FLNB: variants seen among roughly 807,000 people sequenced by gnomAD.
The protein encoded by FLNB is filamin B.
In FLNB, 111 loss-of-function variants were observed where a neutral mutation model predicts 250.6. That is an observed-to-expected ratio of 0.44 (90% CI 0.38 to 0.52). The LOEUF (loss-of-function observed/expected upper bound fraction) is 0.52. FLNB is among the 20% of genes least tolerant of loss of function. The pLI is 0.00. For missense variants in FLNB, 2,869 were observed against 3,447.8 expected (o/e 0.83, Z 4.20); for synonymous variants, 1,302 against 1,372.1 (o/e 0.95, Z 1.13).
intron 4 of FLNB, among the ~76,000 whole-genome samples, chr3:58,084,803 C>A (rs13073525): frequency 0.25 from 37,698 of 151,898 alleles, 5,189 homozygotes; most frequent in Middle Eastern, 0.38. Flanking sequence ...TTATTCTACT[C>A]CCTGTCTCTA....
intron 4 of FLNB, among the ~76,000 whole-genome samples, chr3:58,088,849 G>A (rs374544144): frequency 2.0e-5 from 3 of 152,260 alleles, no homozygotes; most frequent in East Asian, 3.9e-4. Flanking sequence ...GCCACTCTCC[G>A]GGGCCATGGA....
rs1445052743 is a variant in FLNB, at chr3:58,142,709, T to G, written c.5241T>G (p.Phe1747Leu). ...SDMNGLGFKP[F>L]DLVIPFAVRK... ...TGAACGGCCTGGGATTTAAGCCTTTTGACCTGGTCATTCCGTTTGCTGTCA... is the reference window on the plus strand; with the variant it reads ...TGAACGGCCTGGGATTTAAGCCTTTGGACCTGGTCATTCCGTTTGCTGTCA... Residue 1747 changes from phenylalanine to leucine, a missense_variant, in exon 31 of 46, where the codon TTT (phenylalanine) becomes TTG (leucine). By Grantham distance (22) the Phe-to-Leu change is conservative (BLOSUM62 0). This residue lies in a region of FLNB where 1,084 missense variants were observed against 1,315.5 expected (regional missense o/e 0.82). Transcript: ENST00000295956. The surrounding 1 kb of genome is among the most constrained non-coding windows in gnomAD (Gnocchi z 4.3). The G allele has an allele frequency of 6.2e-7, 1 of 1,614,270 alleles. No individual in the cohort carries two copies. Among genetic ancestry groups the G allele is most frequent in the Non-Finnish European group, 8.5e-7 (1 of 1,180,042 alleles).
chr3:58,067,257 C>T (rs1372848559), intron 1 of FLNB, among the ~76,000 whole-genome samples: 1 of 140,374 alleles, frequency 7.1e-6, no homozygotes, highest in East Asian at 1.9e-4. Context: ...ACTAGCACCA[C>T]TTGGTGCTCC....
At chr3:58,129,671 A>G (rs1017859285) in intron 24 of FLNB, among the ~76,000 whole-genome samples, 1 of 152,196 alleles carries the variant, frequency 6.6e-6, no homozygotes, top group Non-Finnish European at 1.5e-5. Context: ...GCTGTCTACC[A>G]TCTCTAATTC....
chr3:58,053,494 G>A (rs1360365029), intron 1 of FLNB, among the ~76,000 whole-genome samples: 1 of 152,166 alleles, frequency 6.6e-6, no homozygotes, highest in East Asian at 1.9e-4. Flanking sequence ...ACGGAGTCTC[G>A]CTGTCACCCG....
At chr3:58,104,921 G>A (rs747586961) in intron 10 of FLNB, among the ~76,000 whole-genome samples, 159 bp from the exon 11 acceptor site, 3 of 152,182 alleles carry the variant, frequency 2.0e-5, no homozygotes, top group African/African-American at 7.2e-5. Context: ...AGTAGCTATG[G>A]GTGAGAGGCC....
intron 2 of FLNB, 79 bp downstream of exon 2, chr3:58,077,373 A>G (rs916832397): frequency 6.5e-7 from 1 of 1,537,086 alleles, no homozygotes; most frequent in African/African-American, 1.4e-5. Context: ...TTCAACGGGA[A>G]TGCTATCTTT....
At chr3:58,120,087 T>C (rs567930432) in intron 19 of FLNB, among the ~76,000 whole-genome samples, 1 of 152,332 alleles carries the variant, frequency 6.6e-6, no homozygotes, top group Non-Finnish European at 1.5e-5. Flanking sequence ...CTGTGAGGGT[T>C]TCTCCAGAGT....
chr3:58,117,758 G>GA (rs1034605327), intron 18 of FLNB, among the ~76,000 whole-genome samples: 2 of 151,700 alleles, frequency 1.3e-5, no homozygotes, highest in African/African-American at 2.4e-5. Context: ...AAAAATGCTG[G>GA]AAAATTAATC....
At position 58,138,323 on chromosome 3, in the gene FLNB, G is replaced by A. The variant is rs139046903; in HGVS notation, c.4903G>A (p.Gly1635Ser). 1.5e-4 allele frequency: 249 copies of A among 1,614,242 alleles called. 3 individuals carry two copies. The Middle Eastern group carries it at 1.7e-3, about 11-fold the overall frequency. The change falls in exon 29 of 46, where the codon GGC becomes AGC. Residue 1635 changes from glycine (G) to serine (S), a missense_variant. Transcript: ENST00000295956. ...ASTVKTGEEVGFVVDAKTAGK... is the reference protein window; with the variant it reads ...ASTVKTGEEVSFVVDAKTAGK... ...CACTGTGAAAACTGGCGAAGAAGTA[G>A]GCTTTGTGGTTGATGCCAAGACTGC...
Position 58,159,583 on chromosome 3 carries a change from A to C in FLNB, c.6918A>C (p.Ala2306=). The C allele has an allele frequency of 6.2e-7, 1 of 1,614,168 alleles. No individual in the cohort carries two copies. Among genetic ancestry groups the C allele is most frequent in the African/African-American group, 1.3e-5 (1 of 75,062 alleles). The part of the protein sequence containing the change: ...QESGLKVNQP[A]SFAIRLNGAK... The stretch of plus-strand genomic sequence containing the variant: ...CGGGATTAAAAGTTAACCAGCCAGC[A>C]TCCTTTGCTATAAGGTTGAATGGCG... Residue 2306 remains alanine (A), a synonymous_variant, in exon 42 of 46, where the codon GCA becomes GCC. Transcript: ENST00000295956.
At chr3:58,170,304 C>T (rs2097380010) in intron 45 of FLNB, among the ~76,000 whole-genome samples, 1 of 152,180 alleles carries the variant, frequency 6.6e-6, no homozygotes, top group Non-Finnish European at 1.5e-5. Flanking sequence ...GAGGTATGTG[C>T]TGTTCTCATT....
intron 1 of FLNB, among the ~76,000 whole-genome samples, chr3:58,056,600 GTATT>G (rs1218513946): frequency 2.6e-5 from 4 of 151,802 alleles, no homozygotes; most frequent in East Asian, 3.9e-4. Context: ...ACTCAGTTAT[GTATT>G]TATTTATTTA....
chr3:58,078,854 C>A (rs374310262), intron 3 of FLNB, 40 bp downstream of exon 3: 100 of 1,502,218 alleles, frequency 6.7e-5, no homozygotes, highest in Non-Finnish European at 8.9e-5. Flanking sequence ...GCTGCCCCCA[C>A]CCACTAGCTT....
At chr3:58,046,595 G>T (rs959147162) in intron 1 of FLNB, among the ~76,000 whole-genome samples, 3 of 151,962 alleles carry the variant, frequency 2.0e-5, no homozygotes, top group African/African-American at 4.8e-5. Flanking sequence ...GATTATAGGT[G>T]CATGCCACCA....
chr3:58,115,498 C>G (rs184951032), intron 18 of FLNB, among the ~76,000 whole-genome samples: 1 of 152,330 alleles, frequency 6.6e-6, no homozygotes, highest in East Asian at 1.9e-4. Context: ...CCCAGTACCC[C>G]AGACGTCCCC....
At chr3:58,012,152 A>C (rs1029171309) in intron 1 of FLNB, among the ~76,000 whole-genome samples, 4 of 147,194 alleles carry the variant, frequency 2.7e-5, no homozygotes, top group Non-Finnish European at 4.4e-5. Flanking sequence ...TGGAGGTTGC[A>C]GTGAGCCGAG....
intron 13 of FLNB, among the ~76,000 whole-genome samples, chr3:58,108,855 T>TG (rs1190933722): frequency 6.6e-6 from 1 of 152,152 alleles, no homozygotes; most frequent in Non-Finnish European, 1.5e-5. Flanking sequence ...GCTGAGGCCA[T>TG]GGGGGGAGAT....
chr3:58,058,177 A>G (rs2097173164), intron 1 of FLNB, among the ~76,000 whole-genome samples: 1 of 152,006 alleles, frequency 6.6e-6, no homozygotes, highest in African/African-American at 2.4e-5. Flanking sequence ...AGCATTAGGG[A>G]TGCTACTTGG....
Sources: gnomAD v4.1 joint callset for allele counts (sites outside exome capture counted in the v4.1 genomes callset) on GRCh38, gnomAD v4.1.1 for gene constraint, gnomAD v4.1.1 regional missense constraint, Gnocchi (gnomAD v3.1) non-coding constraint, MANE v1.5 for transcripts, NCBI Gene and HGNC (gene_info 2026-07-23, HGNC 2026-07-21) for gene names.